The following ACAD11 variants were observed in gnomAD, a reference collection of about 807,000 sequenced individuals.
ACAD11 encodes acyl-Coenzyme A dehydrogenase family, member 11.
ACAD11 carries 83 observed loss-of-function variants against 102.2 expected under a neutral mutation model. The observed-to-expected ratio is 0.81, with a 90% CI of 0.68 to 0.97. The LOEUF is 0.97. Among genes scored for constraint, ACAD11 ranks in the 50% least tolerant of loss-of-function variants. The probability of loss-of-function intolerance (pLI) is 0.00; values close to 1 mark genes in which losing one functional copy is unlikely to be tolerated. For missense variants in ACAD11, 901 were observed against 951.7 expected (o/e 0.95, Z 0.70); for synonymous variants, 324 against 319.8 (o/e 1.01, Z -0.14).
intron 7 of ACAD11, among the ~76,000 whole-genome samples, chr3:132,629,267 T>A (rs1576604304): frequency 6.6e-6 from 1 of 152,190 alleles, no homozygotes; most frequent in Non-Finnish European, 1.5e-5. Context: ...CAAGCAATTC[T>A]CCTGCCTCAG....
intron 5 of ACAD11, among the ~76,000 whole-genome samples, chr3:132,637,093 C>CA: frequency 6.6e-6 from 1 of 151,944 alleles, no homozygotes; most frequent in African/African-American, 2.4e-5. Flanking sequence ...TATTCTGCAG[C>CA]AAAAATATGA....
chr3:132,633,958 A>G (rs1314222486), intron 5 of ACAD11, among the ~76,000 whole-genome samples: 3 of 151,442 alleles, frequency 2.0e-5, no homozygotes, highest in African/African-American at 7.3e-5. Context: ...AAAACCCTAG[A>G]AGAAAACCTA....
At chr3:132,652,348 G>A (rs1292232246) in intron 1 of ACAD11, among the ~76,000 whole-genome samples, 2 of 152,168 alleles carry the variant, frequency 1.3e-5, no homozygotes. Flanking sequence ...GTGGAACTGT[G>A]AGTCCATTAA....
chr3:132,651,741 AT>A (rs1274964835), intron 1 of ACAD11, among the ~76,000 whole-genome samples: 1 of 152,208 alleles, frequency 6.6e-6, no homozygotes, highest in Non-Finnish European at 1.5e-5. Flanking sequence ...AAAGGATATC[AT>A]TTTAGAACTT....
intron 17 of ACAD11, among the ~76,000 whole-genome samples, chr3:132,572,877 C>A (rs1015569517): frequency 6.6e-6 from 1 of 152,088 alleles, no homozygotes; most frequent in African/African-American, 2.4e-5. Context: ...TACATCTTAG[C>A]CATTTTTTTG....
intron 6 of ACAD11, 68 bp downstream of exon 6, chr3:132,631,273 T>G: frequency 4.1e-6 from 4 of 981,780 alleles, no homozygotes; most frequent in Non-Finnish European, 5.5e-6. Context: ...AGATTTATAT[T>G]TTAATTATGA....
intron 2 of ACAD11, among the ~76,000 whole-genome samples, chr3:132,643,531 C>T (rs9826414): frequency 2.0e-5 from 3 of 152,138 alleles, no homozygotes; most frequent in Admixed American, 6.5e-5. Context: ...AGTCACCTGG[C>T]CCCAGACTCA....
intron 13 of ACAD11, among the ~76,000 whole-genome samples, chr3:132,598,266 A>G (rs1202784259): frequency 6.6e-6 from 1 of 152,228 alleles, no homozygotes; most frequent in African/African-American, 2.4e-5. Flanking sequence ...AAAACTTACG[A>G]ATTCTGTGCA....
At position 132,589,052 on chromosome 3, in the gene ACAD11, C is replaced by T. The variant is rs547063576; in HGVS notation, c.1622-9494G>A. Among the ~76,000 whole-genome samples, 23 of 152,198 alleles carry T rather than the reference C, an allele frequency of 1.5e-4. No individual in the cohort carries two copies. In the South Asian group the frequency reaches 4.6e-3, roughly 30 times the overall value. On this transcript the variant is annotated intron_variant, in intron 13 of 19. Coordinates refer to ENST00000264990, the MANE Select transcript of ACAD11 (RefSeq NM_032169.5). ...GCAATTAGTGTATTTATCAAAGAGG[C>T]CTGAGAGAGCTTGGTCACCTTTTTC... is the stretch of plus-strand genomic sequence containing the variant.
chr3:132,585,283 G>A (rs867602407), intron 13 of ACAD11, among the ~76,000 whole-genome samples: 1 of 152,026 alleles, frequency 6.6e-6, no homozygotes, highest in East Asian at 1.9e-4. Context: ...GGAAAACTGG[G>A]TAGCCATATG....
rs766541591 is a variant in ACAD11 at position 132,659,643 on chromosome 3, C to G, written c.109G>C (p.Gly37Arg). ...GTCAGCGTAGCCTCACGTTCGGCCC[C>G]AAAGCCAGACAAGTGCTGGTTTAGG... Reference protein sequence around the residue: ...AYLNQHLSGFGAEREATLTIA... With the variant: ...AYLNQHLSGFRAEREATLTIA... Residue 37 changes from glycine to arginine, a missense_variant, in exon 1 of 20, where the codon GGG (glycine) becomes CGG (arginine). Gly to Arg is a moderately radical substitution (Grantham distance 125, BLOSUM62 -2). Coordinates refer to ENST00000264990, the MANE Select transcript of ACAD11 (RefSeq NM_032169.5). The G allele has an allele frequency of 6.2e-7, 1 of 1,611,342 alleles. No individual in the cohort carries two copies.
intron 11 of ACAD11, among the ~76,000 whole-genome samples, chr3:132,611,684 T>C (rs1365261971): frequency 6.6e-6 from 1 of 151,934 alleles, no homozygotes; most frequent in Non-Finnish European, 1.5e-5. Flanking sequence ...GAAGGACCTC[T>C]TCAAGGAGAA....
chr3:132,611,879 A>G (rs1322724012), intron 11 of ACAD11, among the ~76,000 whole-genome samples: 1 of 152,040 alleles, frequency 6.6e-6, no homozygotes, highest in Non-Finnish European at 1.5e-5. Context: ...AACTACTTTA[A>G]AGTTCAAATG....
rs1937144441 is a variant in ACAD11, at chr3:132,564,140, C to G, written c.2002-2923G>C. 2.6e-5 allele frequency among the ~76,000 whole-genome samples: 4 copies of G among 152,080 alleles called. No homozygotes were observed. In the South Asian group the frequency reaches 8.3e-4, roughly 32 times the overall value. The stretch of plus-strand genomic sequence containing the variant: ...ATCAGGCTTGCATTTGTGGGATAAA[C>G]CCTACTTGATTATGCTGTATGATTA... On this transcript the variant is annotated intron_variant, in intron 17 of 19. Transcript: ENST00000264990.
At chr3:132,586,497 A>G (rs1210621515) in intron 13 of ACAD11, among the ~76,000 whole-genome samples, 3 of 152,158 alleles carry the variant, frequency 2.0e-5, no homozygotes, top group Admixed American at 2.0e-4. Flanking sequence ...GTAATAAAAA[A>G]AAAACCACAT....
rs1213637864 is a variant in ACAD11 at position 132,628,326 on chromosome 3, T to C, written c.1070+14A>G. 1 of 1,586,792 alleles carries C rather than the reference T, an allele frequency of 6.3e-7. No homozygotes were observed. Among genetic ancestry groups the C allele is most frequent in the South Asian group, 1.1e-5 (1 of 89,602 alleles). ...GCTCTAATTTGAGTTAGCCAAGGAA[T>C]CTGTTTTCCTTACCGTTTGGAGAGT... is the stretch of plus-strand genomic sequence containing the variant. On this transcript the variant is annotated intron_variant, in intron 8 of 19. Coordinates refer to ENST00000264990, the MANE Select transcript of ACAD11 (RefSeq NM_032169.5).
At chr3:132,629,050 T>C (rs565312692) in intron 7 of ACAD11, among the ~76,000 whole-genome samples, 2 of 152,354 alleles carry the variant, frequency 1.3e-5, no homozygotes, top group East Asian at 1.9e-4. Context: ...CTGTAATAAA[T>C]AAAACACTGT....
chr3:132,606,722 T>G (rs1278415625), intron 11 of ACAD11, among the ~76,000 whole-genome samples: 1 of 152,192 alleles, frequency 6.6e-6, no homozygotes. Flanking sequence ...ACTTCAACAT[T>G]CCTGCCTGCC....
chr3:132,567,604 G>T (rs567147417), intron 17 of ACAD11, among the ~76,000 whole-genome samples: 4 of 152,084 alleles, frequency 2.6e-5, no homozygotes. Flanking sequence ...TAAAATATCC[G>T]ATTTAAGCCC....
Sources: allele counts gnomAD v4.1 joint callset (sites outside exome capture counted in the v4.1 genomes callset), GRCh38; gene constraint gnomAD v4.1.1; transcripts MANE v1.5; gene names NCBI Gene and HGNC (gene_info 2026-07-23, HGNC 2026-07-21).